Variants in ACYP2 observed in about 807,000 individuals in gnomAD.
ACYP2 encodes the protein acylphosphatase 2.
In ACYP2, 12 loss-of-function variants were observed where a neutral mutation model predicts 11.2. The ratio of observed to expected loss-of-function variants is 1.08; its 90% CI spans 0.69 to 1.74. ACYP2 has a LOEUF of 1.74. Among genes scored for constraint, ACYP2 ranks in the 40% most tolerant of loss-of-function variants. The probability of loss-of-function intolerance (pLI) is 0.00; values close to 1 mark genes in which losing one functional copy is unlikely to be tolerated. For synonymous variants in ACYP2, 43 were observed against 32.2 expected, an observed-to-expected ratio of 1.33 and a Z score of -1.13; for missense variants, 134 against 101.9, an observed-to-expected ratio of 1.31 and a Z score of -1.35.
chr2:54,006,676 C>T (rs1673082023), intron 2 of ACYP2, among the ~76,000 whole-genome samples: 1 of 152,150 alleles, frequency 6.6e-6, no homozygotes, highest in Non-Finnish European at 1.5e-5. Context: ...CTTTGTCACC[C>T]AGGCTAGAGT....
chr2:54,120,528 G>C (rs1680086919), intron 4 of ACYP2, among the ~76,000 whole-genome samples: 1 of 152,074 alleles, frequency 6.6e-6, no homozygotes, highest in Non-Finnish European at 1.5e-5. Flanking sequence ...TTTTTTGACT[G>C]AGTTTTTTTA....
chr2:54,223,926 A>G (rs1267858125), intron 6 of ACYP2, among the ~76,000 whole-genome samples: 1 of 152,160 alleles, frequency 6.6e-6, no homozygotes, highest in Non-Finnish European at 1.5e-5. Context: ...ATTAAATAAA[A>G]CATTTATTTG....
chr2:54,291,518 T>C (rs530834738), intron 6 of ACYP2, among the ~76,000 whole-genome samples: 13 of 152,254 alleles, frequency 8.5e-5, no homozygotes, highest in South Asian at 2.1e-4. Flanking sequence ...GTCTTTCACG[T>C]ACTGCAGACA....
At chr2:54,228,717 AAAGG>A (rs1411358639) in intron 6 of ACYP2, among the ~76,000 whole-genome samples, 7 of 152,082 alleles carry the variant, frequency 4.6e-5, no homozygotes, top group South Asian at 4.1e-4. Context: ...AAAAGAAAAA[AAAGG>A]AAGGAAGGGA....
intron 4 of ACYP2, chr2:54,080,273 T>C (rs1239982473): frequency 6.6e-6 from 1 of 152,408 alleles, no homozygotes; most frequent in Non-Finnish European, 1.5e-5. Context: ...TTCTTTTCTT[T>C]GTCATCTTGG....
At chr2:54,235,835 A>C (rs1686453138) in intron 6 of ACYP2, among the ~76,000 whole-genome samples, 1 of 152,212 alleles carries the variant, frequency 6.6e-6, no homozygotes, top group African/African-American at 2.4e-5. Flanking sequence ...ACCCTGTCTC[A>C]AAACCAACCA....
intron 6 of ACYP2, among the ~76,000 whole-genome samples, chr2:54,157,883 G>C (rs575986552): frequency 6.6e-6 from 1 of 152,310 alleles, no homozygotes; most frequent in South Asian, 2.1e-4. Flanking sequence ...TCTGTGCAGA[G>C]GCAACAGCAA....
chr2:54,078,676 T>C (rs920128550), intron 4 of ACYP2, among the ~76,000 whole-genome samples: 1 of 151,910 alleles, frequency 6.6e-6, no homozygotes, highest in Non-Finnish European at 1.5e-5. Flanking sequence ...TTTGGCTCAC[T>C]GTAACCTCCG....
At chr2:54,019,538 C>G (rs1673883975) in intron 2 of ACYP2, among the ~76,000 whole-genome samples, 1 of 151,820 alleles carries the variant, frequency 6.6e-6, no homozygotes, top group Non-Finnish European at 1.5e-5. Flanking sequence ...TGGGCTCAAG[C>G]AATTCACCTA....
At chr2:54,263,133 G>C (rs949653463) in intron 6 of ACYP2, among the ~76,000 whole-genome samples, 2 of 152,184 alleles carry the variant, frequency 1.3e-5, no homozygotes, top group African/African-American at 4.8e-5. Flanking sequence ...GGTTCAGCAG[G>C]CTTTACAGGA....
chr2:54,229,187 C>A (rs1686131063), intron 6 of ACYP2, among the ~76,000 whole-genome samples: 1 of 152,186 alleles, frequency 6.6e-6, no homozygotes, highest in Admixed American at 6.5e-5. Context: ...TCCATTGTGG[C>A]AGCTCCCGCT....
At chr2:53,993,332 G>A (rs1672396633) in intron 2 of ACYP2, among the ~76,000 whole-genome samples, 1 of 152,124 alleles carries the variant, frequency 6.6e-6, no homozygotes, top group Admixed American at 6.6e-5. Context: ...AAGGGCAGGA[G>A]TGAAATGAAG....
At chr2:54,105,917 A>G (rs1430660655) in intron 4 of ACYP2, among the ~76,000 whole-genome samples, 1 of 152,020 alleles carries the variant, frequency 6.6e-6, no homozygotes, top group Non-Finnish European at 1.5e-5. Flanking sequence ...CAGAGTGGAA[A>G]GAACACTGAA....
intron 6 of ACYP2, among the ~76,000 whole-genome samples, chr2:54,179,502 T>TA (rs1286269645): frequency 1.3e-5 from 2 of 152,194 alleles, no homozygotes; most frequent in Non-Finnish European, 2.9e-5. Flanking sequence ...ACTTCAGAGA[T>TA]AGAGCAGCCC....
rs115830347 is a variant in ACYP2 at position 54,199,558 on chromosome 2, G to A, written c.404+60810G>A. ...TACAAGTGGAGAAAAACAAAGTGTTGAGTAAGTTTTGGGGTTAGATGGTAT... is the reference window on the plus strand; with the variant it reads ...TACAAGTGGAGAAAAACAAAGTGTTAAGTAAGTTTTGGGGTTAGATGGTAT... On this transcript the variant is annotated intron_variant, in intron 6 of 6. Coordinates refer to ENST00000607452, the MANE Select transcript of ACYP2 (RefSeq NM_001320586.2). Among the ~76,000 whole-genome samples, 379 of 152,312 alleles carry A rather than the reference G, an allele frequency of 2.5e-3. 5 individuals carry two copies. The highest frequency in any genetic ancestry group is 8.7e-3 in the African/African-American group (362 of 41,576).
chr2:54,166,192 C>A (rs1682965146), intron 6 of ACYP2, among the ~76,000 whole-genome samples: 1 of 152,064 alleles, frequency 6.6e-6, no homozygotes, highest in Admixed American at 6.6e-5. Context: ...TCAGAGAGCA[C>A]CCAGAGGGCC....
At chr2:54,039,346 G>A (rs1675099179) in intron 2 of ACYP2, among the ~76,000 whole-genome samples, 1 of 151,590 alleles carries the variant, frequency 6.6e-6, no homozygotes, top group Admixed American at 6.6e-5. Context: ...AGGCTGGAGG[G>A]CAGTGGTGTG....
At chr2:54,266,526 A>C (rs1332465169) in intron 6 of ACYP2, among the ~76,000 whole-genome samples, 1 of 150,532 alleles carries the variant, frequency 6.6e-6, no homozygotes, top group African/African-American at 2.4e-5. Context: ...AGGTGCAGAA[A>C]TATATAGATA....
chr2:54,154,854 G>A (rs1023556609), intron 6 of ACYP2, among the ~76,000 whole-genome samples: 7 of 152,174 alleles, frequency 4.6e-5, no homozygotes, highest in African/African-American at 1.4e-4. Context: ...ATTGATATTA[G>A]TTTAAATGTT....
Sources: allele counts gnomAD v4.1 joint callset (sites outside exome capture counted in the v4.1 genomes callset), GRCh38; gene constraint gnomAD v4.1.1; transcripts MANE v1.5; gene names NCBI Gene and HGNC (gene_info 2026-07-23, HGNC 2026-07-21).